The following TMEM135 variants were observed in gnomAD, a reference collection of about 807,000 sequenced individuals.
TMEM135 encodes the protein peroxisomal membrane protein 52.
A neutral mutation model predicts 60.3 loss-of-function variants in TMEM135; 30 were observed. The observed-to-expected ratio is 0.50, with a 90% confidence interval of 0.37 to 0.68. The LOEUF (loss-of-function observed/expected upper bound fraction) is 0.68. Ranked by LOEUF, TMEM135 falls within the 30% of genes least tolerant of loss-of-function variation. TMEM135 has a pLI of 0.00. For missense variants in TMEM135, 468 were observed against 548.8 expected (o/e 0.85, Z 1.47); for synonymous variants, 190 against 186.7 (o/e 1.02, Z -0.14).
At chr11:87,093,070 A>T (rs1857246123) in intron 4 of TMEM135, among the ~76,000 whole-genome samples, 1 of 152,104 alleles carries the variant, frequency 6.6e-6, no homozygotes, top group South Asian at 2.1e-4. Context: ...CTCCTTTGAG[A>T]TACATGTTAA....
chr11:87,102,714 G>A (rs7124567), intron 4 of TMEM135, among the ~76,000 whole-genome samples: 27,007 of 97,778 alleles, frequency 0.28, 3,889 homozygotes, highest in African/African-American at 0.49. Context: ...GTATATATAT[G>A]TATATATATA....
At position 87,051,534 on chromosome 11, in the gene TMEM135, C is replaced by T. The variant is rs1218497391; in HGVS notation, c.141+13348C>T. On this transcript the variant is annotated intron_variant, in intron 1 of 14. Transcript: ENST00000305494. ...TTATACATCAACAACAGACAGAGAGCCAAATCATAAGTGAACTCCCATTCA... is the reference window on the plus strand; with the variant it reads ...TTATACATCAACAACAGACAGAGAGTCAAATCATAAGTGAACTCCCATTCA... Among the ~76,000 whole-genome samples, 4 of 69,356 alleles carry T rather than the reference C, an allele frequency of 5.8e-5. 2 individuals carry two copies. The highest frequency in any genetic ancestry group is 3.0e-4 in the Admixed American group (2 of 6,614). The allele number at this position is 69,356 out of a possible 152,430, so 45.5% of individuals were successfully genotyped here.
chr11:87,102,687 T>A (rs1857483088), intron 4 of TMEM135, among the ~76,000 whole-genome samples: 2 of 130,026 alleles, frequency 1.5e-5, no homozygotes, highest in African/African-American at 6.6e-5. Flanking sequence ...TATATATATG[T>A]GTGTGTATAT....
intron 5 of TMEM135, among the ~76,000 whole-genome samples, chr11:87,210,809 A>G (rs1315122796): frequency 6.6e-6 from 1 of 152,200 alleles, no homozygotes; most frequent in African/African-American, 2.4e-5. Flanking sequence ...CCATGATTAA[A>G]TAGGCTGCTG....
chr11:87,145,492 T>C (rs1026018516), intron 4 of TMEM135, among the ~76,000 whole-genome samples: 1 of 152,216 alleles, frequency 6.6e-6, no homozygotes, highest in African/African-American at 2.4e-5. Context: ...TTTAGTGTTT[T>C]TGAGAAACTT....
At chr11:87,203,350 T>C (rs962473462) in intron 5 of TMEM135, among the ~76,000 whole-genome samples, 2 of 152,104 alleles carry the variant, frequency 1.3e-5, no homozygotes, top group African/African-American at 2.4e-5. Flanking sequence ...TCCTCTGTGC[T>C]CCCTCTATTC....
chr11:87,080,605 T>A (rs781199875), intron 3 of TMEM135, among the ~76,000 whole-genome samples: 1 of 152,218 alleles, frequency 6.6e-6, no homozygotes, highest in Non-Finnish European at 1.5e-5. Flanking sequence ...GATGTCATGA[T>A]GAATTGAACC....
At chr11:87,287,534 G>T (rs1013807997) in intron 6 of TMEM135, among the ~76,000 whole-genome samples, 1 of 151,994 alleles carries the variant, frequency 6.6e-6, no homozygotes, top group East Asian at 1.9e-4. Context: ...AAAATTAGCC[G>T]GGCCTAGTGG....
intron 5 of TMEM135, among the ~76,000 whole-genome samples, chr11:87,183,849 G>A (rs907934043): frequency 6.6e-6 from 1 of 151,226 alleles, no homozygotes; most frequent in African/African-American, 2.4e-5. Context: ...CCAGCTAGTT[G>A]GGAGGCTGAG....
intron 5 of TMEM135, among the ~76,000 whole-genome samples, chr11:87,233,361 T>C (rs1005040460): frequency 6.6e-6 from 1 of 152,090 alleles, no homozygotes; most frequent in African/African-American, 2.4e-5. Context: ...GAAACTATTA[T>C]ATGCTGCCTA....
At chr11:87,259,044 G>A (rs950125934) in intron 6 of TMEM135, 1 of 1,445,292 alleles carries the variant, frequency 6.9e-7, no homozygotes, top group South Asian at 1.1e-5. Flanking sequence ...TGGGAAACCT[G>A]TACATTTTGT....
chr11:87,222,829 A>G (rs896485869), intron 5 of TMEM135, among the ~76,000 whole-genome samples: 4 of 151,988 alleles, frequency 2.6e-5, no homozygotes, highest in Non-Finnish European at 5.9e-5. Flanking sequence ...AAGAAAGAAA[A>G]AAAAATCACT....
At chr11:87,070,777 A>G (rs1239213093) in intron 2 of TMEM135, among the ~76,000 whole-genome samples, 1 of 152,242 alleles carries the variant, frequency 6.6e-6, no homozygotes, top group Non-Finnish European at 1.5e-5. Flanking sequence ...TGATGTACAC[A>G]TAAAACTAAA....
intron 4 of TMEM135, among the ~76,000 whole-genome samples, chr11:87,147,352 T>C (rs1938444384): frequency 6.6e-6 from 1 of 152,120 alleles, no homozygotes; most frequent in Non-Finnish European, 1.5e-5. Flanking sequence ...ACAAAACTTT[T>C]AGTGTAACAA....
chr11:87,264,220 G>A (rs1291326859), intron 6 of TMEM135, among the ~76,000 whole-genome samples: 1 of 150,036 alleles, frequency 6.7e-6, no homozygotes, highest in Non-Finnish European at 1.5e-5. Context: ...GTAGTCAGAT[G>A]TCTATGATCT....
chr11:87,101,746 G>A (rs535584995), intron 4 of TMEM135, among the ~76,000 whole-genome samples: 5 of 152,120 alleles, frequency 3.3e-5, no homozygotes, highest in Non-Finnish European at 5.9e-5. Flanking sequence ...AGGCCGAGGC[G>A]GGCAGATCAC....
At chr11:87,223,902 C>G (rs1331653635) in intron 5 of TMEM135, among the ~76,000 whole-genome samples, 2 of 152,018 alleles carry the variant, frequency 1.3e-5, no homozygotes, top group African/African-American at 2.4e-5. Flanking sequence ...AGTTCAGGAC[C>G]TTTTCTGACT....
At chr11:87,135,997 A>G (rs1298003729) in intron 4 of TMEM135, among the ~76,000 whole-genome samples, 1 of 151,870 alleles carries the variant, frequency 6.6e-6, no homozygotes, top group Non-Finnish European at 1.5e-5. Context: ...TTTTAATGCT[A>G]TTGTCAATAG....
chr11:87,090,149 C>T (rs1297999751), intron 3 of TMEM135, among the ~76,000 whole-genome samples: 1 of 152,078 alleles, frequency 6.6e-6, no homozygotes, highest in Non-Finnish European at 1.5e-5. Flanking sequence ...CCTATATCCC[C>T]TTCCCCTTTT....
Sources: gnomAD v4.1 joint callset for allele counts (sites outside exome capture counted in the v4.1 genomes callset) on GRCh38, gnomAD v4.1.1 for gene constraint, MANE v1.5 for transcripts, NCBI Gene and HGNC (gene_info 2026-07-23, HGNC 2026-07-21) for gene names.